ATP7B: variants seen among roughly 807,000 people sequenced by gnomAD.
The protein encoded by ATP7B is ATPase copper transporting beta.
In ATP7B, 113 loss-of-function variants were observed where a neutral mutation model predicts 118.9. The ratio of observed to expected loss-of-function variants is 0.95; its 90% CI spans 0.82 to 1.11. The LOEUF (loss-of-function observed/expected upper bound fraction) is 1.11. ATP7B is among the 50% of genes most tolerant of loss of function. The pLI is 0.00. For missense variants in ATP7B, 1,867 were observed against 1,871.4 expected, an observed-to-expected ratio of 1.00 and a Z score of 0.04; for synonymous variants, 777 against 727.4, an observed-to-expected ratio of 1.07 and a Z score of -1.10.
intron 17 of ATP7B, 22 bp from the exon 18 acceptor site, chr13:51,937,701 G>A: frequency 6.2e-7 from 1 of 1,612,986 alleles, no homozygotes; most frequent in Non-Finnish European, 8.5e-7. Context: ...GGAAGGCAAT[G>A]CCTAGTGTTG....
rs529812856 is a variant in ATP7B, at chr13:51,989,579, C to G, written c.52-14411G>C. Reference sequence around the variant, plus strand: ...TTAAAAACAAAATTAACAAACCTCACCACATATGTACATACAAATATGTTA... The same window carrying G: ...TTAAAAACAAAATTAACAAACCTCAGCACATATGTACATACAAATATGTTA... On this transcript the variant is annotated intron_variant, in intron 1 of 20. Coordinates refer to ENST00000242839, the MANE Select transcript of ATP7B (RefSeq NM_000053.4). 8.6e-5 allele frequency among the ~76,000 whole-genome samples: 13 copies of G among 151,708 alleles called. No individual in the cohort carries two copies. The South Asian group carries it at 1.2e-3, about 15-fold the overall frequency.
chr13:51,952,661 C>T (rs944560682), intron 9 of ATP7B, among the ~76,000 whole-genome samples: 2 of 152,134 alleles, frequency 1.3e-5, no homozygotes, highest in African/African-American at 4.8e-5. Flanking sequence ...CTATATAAAA[C>T]TTAGTAACTA....
chr13:51,969,241 C>T lies in ATP7B; in HGVS notation c.1544-634G>A, dbSNP rs567180490. On this transcript the variant is annotated intron_variant, in intron 3 of 20. Transcript: ENST00000242839. ...AACTTTAATGGACATATGAATCACC[C>T]GAGGACCTTGTTAAAATAGAGCTTC... Among the ~76,000 whole-genome samples the T allele has an allele frequency of 2.1e-4, 32 of 151,884 alleles. No homozygotes were observed. In the South Asian group the frequency reaches 3.7e-3, roughly 18 times the overall value.
rs1952031733 is a variant in ATP7B at position 51,974,931 on chromosome 13, T to C, written c.289A>G (p.Ser97Gly). The stretch of plus-strand genomic sequence containing the variant: ...GATGGCACATATTTCACAGTGGCAC[T>C]GCCTTGTTCCAGGGAAACCTTCATG... Reference protein sequence around the residue: ...ISMKVSLEQGSATVKYVPSVV... With the variant: ...ISMKVSLEQGGATVKYVPSVV... The change falls in exon 2 of 21, where the codon AGT becomes GGT. Residue 97 changes from serine to glycine, a missense_variant. Physicochemically the swap from Ser to Gly is moderately conservative, Grantham distance 56 (BLOSUM62 0). Transcript: ENST00000242839. The C allele has an allele frequency of 6.2e-7, 1 of 1,614,132 alleles. No individual in the cohort carries two copies. Among genetic ancestry groups the C allele is most frequent in the Non-Finnish European group, 8.5e-7 (1 of 1,180,044 alleles).
chr13:52,008,643 G>A (rs1266223864), intron 1 of ATP7B, among the ~76,000 whole-genome samples: 1 of 152,172 alleles, frequency 6.6e-6, no homozygotes, highest in Non-Finnish European at 1.5e-5. Flanking sequence ...GAAGCTCTAT[G>A]TCAGGAACTT....
At chr13:51,969,663 A>T (rs1951744622) in intron 3 of ATP7B, among the ~76,000 whole-genome samples, 1 of 152,184 alleles carries the variant, frequency 6.6e-6, no homozygotes, top group Non-Finnish European at 1.5e-5. Flanking sequence ...ATAGGATAAA[A>T]ATGAGGATTC....
chr13:51,947,627 C>A (rs1285555848), intron 12 of ATP7B, among the ~76,000 whole-genome samples: 8 of 152,036 alleles, frequency 5.3e-5, no homozygotes, highest in Non-Finnish European at 7.4e-5. Context: ...TTAAAGGGGT[C>A]TTTTAATTTT....
chr13:51,959,715 A>G (rs746185813), intron 7 of ATP7B: 9 of 203,864 alleles, frequency 4.4e-5, no homozygotes, highest in African/African-American at 7.0e-5. Context: ...TAACTTCCTG[A>G]AAGACAAGGA....
intron 1 of ATP7B, among the ~76,000 whole-genome samples, chr13:51,990,635 T>C (rs756367025): frequency 6.6e-6 from 1 of 152,250 alleles, no homozygotes; most frequent in Non-Finnish European, 1.5e-5. Context: ...AAATGGTCTC[T>C]ACAAAAGCAA....
Position 51,957,408 on chromosome 13 carries a change from C to T in ATP7B, c.2447+108G>A. The T allele has an allele frequency of 1.1e-5, 13 of 1,138,382 alleles. No homozygotes were observed. In the South Asian group the frequency reaches 1.6e-4, roughly 14 times the overall value. 70.5% of individuals were successfully genotyped at this position (1,138,382 alleles called of 1,614,324 possible). On this transcript the variant is annotated intron_variant, in intron 9 of 20. Transcript: ENST00000242839. ...GAGTGGTGATCTTACTGTGTCTCTG[C>T]CCACACTCACAAGGTCTATTGCAAT...
chr13:52,010,311 G>C (rs1953961915), intron 1 of ATP7B, among the ~76,000 whole-genome samples: 1 of 152,182 alleles, frequency 6.6e-6, no homozygotes, highest in African/African-American at 2.4e-5. Context: ...CAACGTCAGT[G>C]AATTAGTTTC....
rs1951586519 is a variant in ATP7B at position 51,967,051 on chromosome 13, G to A, written c.1707+1393C>T. 7 of 1,608,440 alleles carry A rather than the reference G, an allele frequency of 4.4e-6. No individual in the cohort carries two copies. In the South Asian group the frequency reaches 7.7e-5, roughly 18 times the overall value. Reference sequence around the variant, plus strand: ...TCAGCATCAGGAGTGGGATGGGAAGGAAAGCACAATAACAAGAAAATTGAA... The same window carrying A: ...TCAGCATCAGGAGTGGGATGGGAAGAAAAGCACAATAACAAGAAAATTGAA... On this transcript the variant is annotated intron_variant, in intron 4 of 20. Coordinates refer to ENST00000242839, the MANE Select transcript of ATP7B (RefSeq NM_000053.4).
At chr13:51,980,420 T>C (rs1952357848) in intron 1 of ATP7B, among the ~76,000 whole-genome samples, 1 of 152,236 alleles carries the variant, frequency 6.6e-6, no homozygotes. Flanking sequence ...TTCAATTCTC[T>C]GCTACCTCTC....
rs1196749405 is a variant in ATP7B at position 51,958,579 on chromosome 13, T to C, written c.2122-35A>G. The C allele has an allele frequency of 1.9e-6, 3 of 1,589,600 alleles. No individual in the cohort carries two copies. The African/African-American group carries it at 4.0e-5, about 21-fold the overall frequency. ...AAGGACAGTGAAGGCTGCCAGCAAG[T>C]AGGGAGGAGAGTTCAATGAGCGACA... On this transcript the variant is annotated intron_variant, in intron 7 of 20. Coordinates refer to ENST00000242839, the MANE Select transcript of ATP7B (RefSeq NM_000053.4).
intron 1 of ATP7B, among the ~76,000 whole-genome samples, chr13:51,996,808 T>C (rs182917302): frequency 1.3e-5 from 2 of 152,342 alleles, no homozygotes; most frequent in Non-Finnish European, 2.9e-5. Flanking sequence ...ACCACACTTG[T>C]GGCGGTTGCT....
intron 16 of ATP7B, among the ~76,000 whole-genome samples, chr13:51,940,461 C>T (rs927658721): frequency 6.6e-6 from 1 of 151,084 alleles, no homozygotes; most frequent in Non-Finnish European, 1.5e-5. Flanking sequence ...CGAGACCAGC[C>T]TGGTGAAACC....
chr13:51,935,088 T>C (rs1956880309), intron 20 of ATP7B, 59 bp from the exon 21 acceptor site: 4 of 1,589,594 alleles, frequency 2.5e-6, no homozygotes, highest in African/African-American at 2.7e-5. Context: ...TTTTTTTTTT[T>C]CTAAGCCTGG....
intron 12 of ATP7B, chr13:51,947,773 G>T (rs1250555771): frequency 6.6e-6 from 1 of 152,146 alleles, no homozygotes; most frequent in Non-Finnish European, 1.5e-5. Context: ...TGGACTTCTG[G>T]AAGTTACCAT....
chr13:52,006,096 T>C (rs2140629098), intron 1 of ATP7B, among the ~76,000 whole-genome samples: 1 of 152,346 alleles, frequency 6.6e-6, no homozygotes, highest in South Asian at 2.1e-4. Flanking sequence ...TTTCGGCCCA[T>C]CCCTTCCTTT....
Sources: gnomAD v4.1 joint callset for allele counts (sites outside exome capture counted in the v4.1 genomes callset) on GRCh38, gnomAD v4.1.1 for gene constraint, MANE v1.5 for transcripts, NCBI Gene and HGNC (gene_info 2026-07-23, HGNC 2026-07-21) for gene names.